GRM7: variants seen among roughly 807,000 people sequenced by gnomAD.
The protein encoded by GRM7 is metabotropic glutamate receptor 7.
A neutral mutation model predicts 84.5 loss-of-function variants in GRM7; 35 were observed. That is an observed-to-expected ratio of 0.41 (90% CI 0.32 to 0.55). GRM7 has a LOEUF of 0.55. Ranked by LOEUF, GRM7 falls within the 20% of genes least tolerant of loss-of-function variation. The pLI is 0.19. For missense variants in GRM7, 1,003 were observed against 1,194.6 expected (o/e 0.84, Z 2.36); for synonymous variants, 487 against 455.1 (o/e 1.07, Z -0.89).
chr3:7,612,964 TG>T (rs1397092375), intron 8 of GRM7, among the ~76,000 whole-genome samples: 1 of 152,166 alleles, frequency 6.6e-6, no homozygotes, highest in Non-Finnish European at 1.5e-5. Context: ...AGTAAACTAA[TG>T]AGCTGCTTTA....
rs568493383 is a variant in GRM7 at position 7,235,983 on chromosome 3, G to T, written c.737-62701G>T. Among the ~76,000 whole-genome samples, 247 of 152,254 alleles carry T rather than the reference G, an allele frequency of 1.6e-3. 1 individual carries two copies. The highest frequency in any genetic ancestry group is 1.2e-3 in the Non-Finnish European group (80 of 68,024). ...TTATTTCTCACAGTTCTGGAGGCTG[G>T]GAGGTCCAGGATCAAGGTCCTTGCA... is the stretch of plus-strand genomic sequence containing the variant. On this transcript the variant is annotated intron_variant, in intron 2 of 9. Coordinates refer to ENST00000357716, the MANE Select transcript of GRM7 (RefSeq NM_000844.4).
intron 4 of GRM7, among the ~76,000 whole-genome samples, chr3:7,401,189 G>T (rs542367684): frequency 6.6e-6 from 1 of 152,092 alleles, no homozygotes; most frequent in Admixed American, 6.6e-5. Context: ...TGACGAAGAA[G>T]CAATCCCTGG....
intron 8 of GRM7, among the ~76,000 whole-genome samples, chr3:7,627,589 C>T (rs1697673091): frequency 6.6e-6 from 1 of 152,184 alleles, no homozygotes; most frequent in Non-Finnish European, 1.5e-5. Context: ...CTGGAAAACA[C>T]TTGAACTTGA....
At chr3:7,241,707 GA>G (rs2124922240) in intron 2 of GRM7, among the ~76,000 whole-genome samples, 1 of 152,208 alleles carries the variant, frequency 6.6e-6, no homozygotes, top group Non-Finnish European at 1.5e-5. Context: ...CTATCAGCAT[GA>G]AAAATGGGAG....
At chr3:7,697,320 C>CT (rs770677976) in intron 9 of GRM7, among the ~76,000 whole-genome samples, 9 of 151,948 alleles carry the variant, frequency 5.9e-5, no homozygotes, top group South Asian at 4.2e-4. Context: ...AATTCAGCAT[C>CT]TTTTTTTTAT....
intron 1 of GRM7, among the ~76,000 whole-genome samples, chr3:6,882,755 A>C (rs1023973963): frequency 5.9e-5 from 9 of 152,176 alleles, no homozygotes; most frequent in Non-Finnish European, 7.3e-5. Flanking sequence ...GCATGATTCC[A>C]TGTCATTTAA....
chr3:6,968,430 T>C (rs1205854902), intron 1 of GRM7, among the ~76,000 whole-genome samples: 7 of 152,208 alleles, frequency 4.6e-5, no homozygotes, highest in Non-Finnish European at 2.9e-5. Context: ...ACTTCAAATA[T>C]ATTTTTGGAG....
intron 2 of GRM7, among the ~76,000 whole-genome samples, chr3:7,221,274 G>C (rs1417883149): frequency 6.6e-6 from 1 of 152,036 alleles, no homozygotes; most frequent in Non-Finnish European, 1.5e-5. Flanking sequence ...ACTCTGATAG[G>C]TTAAAAGAAG....
chr3:7,731,981 G>A (rs1702347548), intron 9 of GRM7, among the ~76,000 whole-genome samples: 1 of 152,092 alleles, frequency 6.6e-6, no homozygotes, highest in South Asian at 2.1e-4. Context: ...TAACTTGTGA[G>A]CTTTGAACGA....
In GRM7 at chr3:7,706,183, G is replaced by A. The variant is rs995065130; in HGVS notation, c.2698+25888G>A. ...TAGACATAGAAAAAACAAGTAGGTTGATTGCATCTTTATAGAGCCATATTG... is the reference window on the plus strand; with the variant it reads ...TAGACATAGAAAAAACAAGTAGGTTAATTGCATCTTTATAGAGCCATATTG... On this transcript the variant is annotated intron_variant, in intron 9 of 9. Coordinates refer to ENST00000357716, the MANE Select transcript of GRM7 (RefSeq NM_000844.4). Among the ~76,000 whole-genome samples the A allele has an allele frequency of 3.3e-5, 5 of 152,166 alleles. 1 individual carries two copies. Among genetic ancestry groups the A allele is most frequent in the South Asian group, 4.1e-4 (2 of 4,832 alleles).
intron 1 of GRM7, among the ~76,000 whole-genome samples, chr3:6,916,170 T>G (rs1696932149): frequency 6.6e-6 from 1 of 152,190 alleles, no homozygotes; most frequent in Admixed American, 6.6e-5. Context: ...ACACTAAAGA[T>G]ACAATAATGG....
rs573635383 is a variant in GRM7, at chr3:7,095,991, T to G, written c.520-50461T>G. Among the ~76,000 whole-genome samples, 22 of 152,288 alleles carry G rather than the reference T, an allele frequency of 1.4e-4. No homozygotes were observed. In the South Asian group the frequency reaches 3.9e-3, roughly 27 times the overall value. On this transcript the variant is annotated intron_variant, in intron 1 of 9. Coordinates refer to ENST00000357716, the MANE Select transcript of GRM7 (RefSeq NM_000844.4). ...GTATAGATACACATATTCACACAGT[T>G]TACTGCTTTTATTGTTTGAAACTAA...
chr3:7,210,025 G>A (rs931059489), intron 2 of GRM7, among the ~76,000 whole-genome samples: 5 of 152,094 alleles, frequency 3.3e-5, no homozygotes. Context: ...CTTGCAGAGA[G>A]GATCTTTTAG....
At chr3:7,087,639 G>A (rs1209858147) in intron 1 of GRM7, among the ~76,000 whole-genome samples, 1 of 152,100 alleles carries the variant, frequency 6.6e-6, no homozygotes, top group Non-Finnish European at 1.5e-5. Context: ...GTGTTCTAAA[G>A]CCTTCAGTAC....
intron 7 of GRM7, among the ~76,000 whole-genome samples, chr3:7,524,956 T>G (rs1700733661): frequency 6.7e-6 from 1 of 148,314 alleles, no homozygotes; most frequent in Non-Finnish European, 1.5e-5. Flanking sequence ...TGAGTTCATG[T>G]CCTTTATAGG....
At position 7,486,567 on chromosome 3, in the gene GRM7, T is replaced by G. The variant is rs1699331157; in HGVS notation, c.1515+24845T>G. On this transcript the variant is annotated intron_variant, in intron 7 of 9. Transcript: ENST00000357716. The surrounding 1 kb of genome is among the most constrained non-coding windows in gnomAD (Gnocchi z 5.5). The stretch of plus-strand genomic sequence containing the variant: ...GAAAAGTGGGGTGCTATACAGCAAG[T>G]CTGCCTCACAAGTTTGTTCTCTCTG... Among the ~76,000 whole-genome samples the G allele has an allele frequency of 6.6e-6, 1 of 152,166 alleles. No homozygotes were observed. Among genetic ancestry groups the G allele is most frequent in the Non-Finnish European group, 1.5e-5 (1 of 68,034 alleles).
intron 1 of GRM7, among the ~76,000 whole-genome samples, chr3:6,958,544 A>G (rs1693161075): frequency 6.6e-6 from 1 of 152,116 alleles, no homozygotes; most frequent in Admixed American, 6.5e-5. Flanking sequence ...GTAAATATCT[A>G]GGAGTGGAAT....
At chr3:6,902,730 G>A (rs563852467) in intron 1 of GRM7, among the ~76,000 whole-genome samples, 9 of 152,114 alleles carry the variant, frequency 5.9e-5, no homozygotes, top group Non-Finnish European at 8.8e-5. Context: ...TGTCATCCAA[G>A]CAGTGTCTAC....
At chr3:7,119,617 A>G (rs529633745) in intron 1 of GRM7, among the ~76,000 whole-genome samples, 2 of 152,260 alleles carry the variant, frequency 1.3e-5, no homozygotes, top group East Asian at 1.9e-4. Context: ...GTGCTCTAAC[A>G]TTCATAATCT....
Sources: gnomAD v4.1 joint callset for allele counts (sites outside exome capture counted in the v4.1 genomes callset) on GRCh38, gnomAD v4.1.1 for gene constraint, Gnocchi (gnomAD v3.1) non-coding constraint, MANE v1.5 for transcripts, NCBI Gene and HGNC (gene_info 2026-07-23, HGNC 2026-07-21) for gene names.